CSNK2A1: variants seen among roughly 807,000 people sequenced by gnomAD.
CSNK2A1 encodes casein kinase II subunit alpha.
A neutral mutation model predicts 62.9 loss-of-function variants in CSNK2A1; 10 were observed. The observed-to-expected ratio is 0.16, with a 90% CI of 0.10 to 0.27. CSNK2A1 has a LOEUF of 0.27. CSNK2A1 is among the 10% of genes least tolerant of loss of function. The pLI is 1.00. For missense variants in CSNK2A1, 160 were observed against 492.0 expected (o/e 0.33, Z 6.38); for synonymous variants, 124 against 167.8 (o/e 0.74, Z 2.02).
chr20:518,162 T>A lies in CSNK2A1; in HGVS notation c.-109-9502A>T, dbSNP rs1035764450. ...TCTTTAAATAAGACAGAGAAGTAAT[T>A]ATAGCCAAAAGGGAATAGAAAATGC... On this transcript the variant is annotated intron_variant, in intron 2 of 13. Transcript: ENST00000217244. Among the ~76,000 whole-genome samples, 6 of 152,174 alleles carry A rather than the reference T, an allele frequency of 3.9e-5. No homozygotes were observed. In the South Asian group the frequency reaches 1.2e-3, roughly 32 times the overall value.
chr20:541,811 T>A (rs2019456625), intron 1 of CSNK2A1, among the ~76,000 whole-genome samples: 3 of 152,192 alleles, frequency 2.0e-5, no homozygotes, highest in African/African-American at 7.2e-5. Context: ...GATTAATCAA[T>A]CTAAGCAAAT....
At chr20:503,589 A>G (rs968045470) in intron 4 of CSNK2A1, 1 of 398,496 alleles carries the variant, frequency 2.5e-6, no homozygotes, top group African/African-American at 2.1e-5. Flanking sequence ...CGTAGTTTCA[A>G]CATTAGATTG....
At chr20:533,603 AAAAT>A (rs953426560) in intron 1 of CSNK2A1, among the ~76,000 whole-genome samples, 2 of 152,246 alleles carry the variant, frequency 1.3e-5, no homozygotes, top group African/African-American at 4.8e-5. Flanking sequence ...ACGCTGTCTC[AAAAT>A]AAATACATAC....
intron 2 of CSNK2A1, among the ~76,000 whole-genome samples, chr20:508,955 GGATA>G (rs2018661148): frequency 6.6e-6 from 1 of 152,188 alleles, no homozygotes; most frequent in South Asian, 2.1e-4. Context: ...ATGGCATTGA[GGATA>G]GATACATCAG....
intron 8 of CSNK2A1, 191 bp downstream of exon 8, chr20:495,528 T>TG: frequency 1.9e-6 from 1 of 515,930 alleles, no homozygotes; most frequent in Non-Finnish European, 3.5e-6. Context: ...GTTTCCTTCT[T>TG]GGGAATATTC....
chr20:509,537 A>G (rs573522576), intron 2 of CSNK2A1, among the ~76,000 whole-genome samples: 19 of 152,372 alleles, frequency 1.2e-4, no homozygotes, highest in Non-Finnish European at 2.1e-4. Flanking sequence ...TATAACACGT[A>G]TGCAAGTCTC....
In CSNK2A1 at chr20:499,775, C is replaced by T; in HGVS notation, c.315+58G>A. ...AGGGAACAAAAAGAGGCCAGTTGTG[C>T]TCCAGGTCAAACACCATCTCAGCTC... On this transcript the variant is annotated intron_variant, in intron 5 of 13. Transcript: ENST00000217244. This position sits in a 1 kb window ranked among gnomAD's most constrained non-coding sequence, Gnocchi z 4.2. The T allele has an allele frequency of 6.5e-7, 1 of 1,538,866 alleles. No individual in the cohort carries two copies. Among genetic ancestry groups the T allele is most frequent in the Non-Finnish European group, 9.0e-7 (1 of 1,115,058 alleles).
Position 541,602 on chromosome 20 carries a change from C to T in CSNK2A1, c.-227+2070G>A, listed in dbSNP as rs990809398. Reference sequence around the variant, plus strand: ...TGGATGAGTGAGTAGGAAAAGGACGCGCAGTATGGAAAAGGAGTTGCCACC... The same window carrying T: ...TGGATGAGTGAGTAGGAAAAGGACGTGCAGTATGGAAAAGGAGTTGCCACC... On this transcript the variant is annotated intron_variant, in intron 1 of 13. Coordinates refer to ENST00000217244, the MANE Select transcript of CSNK2A1 (RefSeq NM_177559.3). 2.6e-5 allele frequency among the ~76,000 whole-genome samples: 4 copies of T among 152,090 alleles called. No homozygotes were observed. The East Asian group carries it at 7.7e-4, about 29-fold the overall frequency.
chr20:541,366 T>A (rs1380683033), intron 1 of CSNK2A1, among the ~76,000 whole-genome samples: 1 of 152,196 alleles, frequency 6.6e-6, no homozygotes, highest in Non-Finnish European at 1.5e-5. Flanking sequence ...GAGATGTAAT[T>A]CTGCCTACTA....
At chr20:506,737 A>G (rs1011256662) in intron 3 of CSNK2A1, 5 of 152,236 alleles carry the variant, frequency 3.3e-5, no homozygotes, top group Admixed American at 6.5e-5. Context: ...AATGGACAAC[A>G]TAATAATCAT....
chr20:526,981 GAGAA>G (rs2019104852), intron 2 of CSNK2A1: 1 of 137,730 alleles, frequency 7.3e-6, no homozygotes, highest in Non-Finnish European at 1.5e-5. Context: ...GAGAGAGAGA[GAGAA>G]AGAGAGAGAG....
intron 2 of CSNK2A1, among the ~76,000 whole-genome samples, chr20:516,185 T>C (rs976020274): frequency 6.6e-6 from 1 of 152,230 alleles, no homozygotes; most frequent in Admixed American, 6.5e-5. Context: ...CTTATTAAGT[T>C]CCATTTTAAA....
intron 9 of CSNK2A1, 64 bp from the exon 10 acceptor site, chr20:489,945 A>G (rs905515684): frequency 7.6e-7 from 1 of 1,311,368 alleles, no homozygotes; most frequent in African/African-American, 1.8e-5. Flanking sequence ...TCAAAATAAA[A>G]AATTAATTTT....
intron 2 of CSNK2A1, among the ~76,000 whole-genome samples, chr20:516,924 G>A (rs574835872): frequency 7.9e-5 from 12 of 152,164 alleles, no homozygotes; most frequent in Non-Finnish European, 1.5e-4. Flanking sequence ...TCATCATCCC[G>A]ACAGGACAAA....
In CSNK2A1 at chr20:479,301, T is replaced by C. The variant is rs1005482882; in HGVS notation, c.*4660A>G. ...TCTACCATATACCAGGCATCTGTCA[T>C]AGAATCTGAACAACCGCTCTATGAA... On this transcript the variant is annotated 3_prime_UTR_variant, in exon 14 of 14. Transcript: ENST00000217244. 1.3e-5 allele frequency: 2 copies of C among 152,170 alleles called. No homozygotes were observed. Among genetic ancestry groups the C allele is most frequent in the Non-Finnish European group, 2.9e-5 (2 of 68,040 alleles). The allele number at this position is 152,170 out of a possible 1,614,324, so 9.4% of individuals were successfully genotyped here.
Position 482,190 on chromosome 20 carries a change from G to C in CSNK2A1, c.*1771C>G, listed in dbSNP as rs2017967877. The C allele has an allele frequency of 6.6e-6, 1 of 152,174 alleles. No individual in the cohort carries two copies. The highest frequency in any genetic ancestry group is 6.5e-5 in the Admixed American group (1 of 15,270). 9.4% of individuals were successfully genotyped at this position (152,174 alleles called of 1,614,324 possible). A position where few individuals can be genotyped will look rare whatever the true frequency, so the allele number is the denominator to read the frequency against. On this transcript the variant is annotated 3_prime_UTR_variant, in exon 14 of 14. Coordinates refer to ENST00000217244, the MANE Select transcript of CSNK2A1 (RefSeq NM_177559.3). ...TGATGCCTAGGCGAGAAAGGCCTGT[G>C]AATCTATAAGGTAGGAGAATGGGGA...
intron 3 of CSNK2A1, 68 bp from the exon 4 acceptor site, chr20:505,297 T>G: frequency 2.7e-6 from 3 of 1,113,966 alleles, no homozygotes; most frequent in Non-Finnish European, 4.0e-6. Flanking sequence ...TACAGGAATC[T>G]ATTACCAGCA....
Position 527,001 on chromosome 20 carries a change from C to CAGACAGAGAGAGAGAGAGAGAG in CSNK2A1, c.-110+931_-110+932insCTCTCTCTCTCTCTCTCTGTCT, listed in dbSNP as rs1197678638. The CAGACAGAGAGAGAGAGAGAGAG allele has an allele frequency of 1.0e-3, 100 of 97,870 alleles. 1 individual carries two copies. Among genetic ancestry groups the CAGACAGAGAGAGAGAGAGAGAG allele is most frequent in the Non-Finnish European group, 1.7e-3 (85 of 50,040 alleles). The allele number at this position is 97,870 out of a possible 1,614,324, so 6.1% of individuals were successfully genotyped here. A position where few individuals can be genotyped will look rare whatever the true frequency, so the allele number is the denominator to read the frequency against. Reference sequence around the variant, plus strand: ...AGAGAGAGAAAGAGAGAGAGACAGACAGAGAGAGAGAGAGAGAGAGAGAGA... The same window carrying CAGACAGAGAGAGAGAGAGAGAG: ...AGAGAGAGAAAGAGAGAGAGACAGACAGACAGAGAGAGAGAGAGAGAGAGAGAGAGAGAGAGAGAGAGAGAGA... On this transcript the variant is annotated intron_variant, in intron 2 of 13. Transcript: ENST00000217244.
chr20:483,799 T>G lies in CSNK2A1; in HGVS notation c.*162A>C. 5 of 448,758 alleles carry G rather than the reference T, an allele frequency of 1.1e-5. No homozygotes were observed. Among genetic ancestry groups the G allele is most frequent in the Non-Finnish European group, 1.5e-5 (4 of 268,166 alleles). 27.8% of individuals were successfully genotyped at this position (448,758 alleles called of 1,614,324 possible). ...AAAAAGAAAAAAGAAAATCAGCCTA[T>G]TATAATTTTTTTTTTATGACTGAAC... On this transcript the variant is annotated 3_prime_UTR_variant, in exon 14 of 14. Transcript: ENST00000217244.
Sources: allele counts gnomAD v4.1 joint callset (sites outside exome capture counted in the v4.1 genomes callset), GRCh38; gene constraint gnomAD v4.1.1; non-coding constraint Gnocchi (gnomAD v3.1); transcripts MANE v1.5; gene names NCBI Gene and HGNC (gene_info 2026-07-23, HGNC 2026-07-21).